MYO3B: variants seen among roughly 807,000 people sequenced by gnomAD.
MYO3B encodes the protein myosin IIIB.
Under a neutral mutation model 174.6 loss-of-function variants are expected in MYO3B, and 156 were observed. That is an observed-to-expected ratio of 0.89 (90% CI 0.78 to 1.02). The LOEUF is 1.02. Among genes scored for constraint, MYO3B ranks in the 50% least tolerant of loss-of-function variants. MYO3B has a pLI of 0.00. For missense variants in MYO3B, 1,632 were observed against 1,639.4 expected, an observed-to-expected ratio of 1.00 and a Z score of 0.08; for synonymous variants, 563 against 569.1, an observed-to-expected ratio of 0.99 and a Z score of 0.15.
At chr2:170,312,318 A>G (rs2105472417) in intron 7 of MYO3B, among the ~76,000 whole-genome samples, 1 of 152,334 alleles carries the variant, frequency 6.6e-6, no homozygotes, top group Non-Finnish European at 1.5e-5. Flanking sequence ...TCCTTCTCTG[A>G]CTCATCCAGA....
At chr2:170,321,115 A>G (rs1163630009) in intron 7 of MYO3B, among the ~76,000 whole-genome samples, 1 of 152,172 alleles carries the variant, frequency 6.6e-6, no homozygotes. Context: ...AAATCGAGAA[A>G]CAAACAAGAA....
At chr2:170,279,426 T>C (rs2093489329) in intron 7 of MYO3B, among the ~76,000 whole-genome samples, 1 of 151,870 alleles carries the variant, frequency 6.6e-6, no homozygotes, top group African/African-American at 2.4e-5. Context: ...TGGTATGTCT[T>C]TTTTTGAGAA....
At chr2:170,439,941 A>G (rs1219465102) in intron 22 of MYO3B, among the ~76,000 whole-genome samples, 2 of 152,136 alleles carry the variant, frequency 1.3e-5, no homozygotes, top group Non-Finnish European at 2.9e-5. Flanking sequence ...CAGCTTCCCA[A>G]AGTGCTGGGA....
intron 9 of MYO3B, among the ~76,000 whole-genome samples, chr2:170,373,070 A>G (rs1272714642): frequency 6.6e-6 from 1 of 152,160 alleles, no homozygotes; most frequent in Non-Finnish European, 1.5e-5. Flanking sequence ...TTCTGATTGC[A>G]GTATGGAGAA....
intron 23 of MYO3B, among the ~76,000 whole-genome samples, chr2:170,456,176 C>T (rs891075666): frequency 4.6e-5 from 7 of 151,636 alleles, no homozygotes; most frequent in Admixed American, 1.3e-4. Context: ...GGGGGTGGGG[C>T]GGTAAATGAT....
intron 7 of MYO3B, among the ~76,000 whole-genome samples, chr2:170,290,856 G>T (rs1464393685): frequency 1.4e-5 from 2 of 144,080 alleles, no homozygotes; most frequent in African/African-American, 2.6e-5. Flanking sequence ...TCATGCTGTG[G>T]TTACCATGAG....
intron 16 of MYO3B, among the ~76,000 whole-genome samples, chr2:170,399,327 A>T (rs2094460947): frequency 7.9e-6 from 1 of 127,026 alleles, no homozygotes; most frequent in African/African-American, 2.9e-5. Context: ...TACCAAAAAG[A>T]GCTGAGTGTG....
At chr2:170,204,146 G>A (rs2092692138) in intron 3 of MYO3B, among the ~76,000 whole-genome samples, 1 of 152,082 alleles carries the variant, frequency 6.6e-6, no homozygotes, top group Non-Finnish European at 1.5e-5. Context: ...GACTTTTGCT[G>A]GCTTTCATTA....
rs754131901 is a variant in MYO3B, at chr2:170,206,288, C to G, written c.321+6004C>G. On this transcript the variant is annotated intron_variant, in intron 3 of 34. Transcript: ENST00000408978. The surrounding 1 kb of genome is among the most constrained non-coding windows in gnomAD (Gnocchi z 4.3). ...ACATCCTCTGGGAAGTTTTCCTAGACTGTCCCCTCTTTGCCCTCCCTCAGC... is the reference window on the plus strand; with the variant it reads ...ACATCCTCTGGGAAGTTTTCCTAGAGTGTCCCCTCTTTGCCCTCCCTCAGC... 6.6e-6 allele frequency among the ~76,000 whole-genome samples: 1 copy of G among 152,186 alleles called. No homozygotes were observed. Among genetic ancestry groups the G allele is most frequent in the Non-Finnish European group, 1.5e-5 (1 of 68,036 alleles).
At chr2:170,542,793 T>C (rs1690202129) in intron 30 of MYO3B, 113 bp from the exon 31 acceptor site, 2 of 798,512 alleles carry the variant, frequency 2.5e-6, no homozygotes, top group Non-Finnish European at 3.9e-6. Context: ...TGGGAAACCA[T>C]GGAAGCATAA....
rs1687039379 is a variant in MYO3B, at chr2:170,498,717, T to C, written c.3126+14T>C. 2 of 1,508,202 alleles carry C rather than the reference T, an allele frequency of 1.3e-6. No homozygotes were observed. The highest frequency in any genetic ancestry group is 1.1e-5 in the South Asian group (1 of 88,714). 93.4% of individuals were successfully genotyped at this position (1,508,202 alleles called of 1,614,324 possible). On this transcript the variant is annotated intron_variant, in intron 26 of 34. Coordinates refer to ENST00000408978, the MANE Select transcript of MYO3B (RefSeq NM_138995.5). ...GGAAAAACAAAGGTAGTTCGTTCTTTATTGTTCAAATTGTCCCGTATGATT... is the reference window on the plus strand; with the variant it reads ...GGAAAAACAAAGGTAGTTCGTTCTTCATTGTTCAAATTGTCCCGTATGATT...
intron 7 of MYO3B, among the ~76,000 whole-genome samples, chr2:170,288,941 G>A (rs963748880): frequency 3.3e-5 from 5 of 152,014 alleles, no homozygotes; most frequent in Non-Finnish European, 7.4e-5. Flanking sequence ...TTTATCAAAT[G>A]TTTTTCAGCA....
chr2:170,251,428 A>C (rs2093252515), intron 7 of MYO3B, among the ~76,000 whole-genome samples: 1 of 152,154 alleles, frequency 6.6e-6, no homozygotes, highest in Non-Finnish European at 1.5e-5. Context: ...TTTCTCAGAA[A>C]AGATACATTG....
intron 8 of MYO3B, among the ~76,000 whole-genome samples, chr2:170,354,270 CTTTTT>C (rs954811536): frequency 6.6e-6 from 1 of 151,964 alleles, no homozygotes; most frequent in Non-Finnish European, 1.5e-5. Context: ...GTTCTGGTTC[CTTTTT>C]TTTGTTCTGT....
chr2:170,501,414 C>A (rs542582173), intron 27 of MYO3B, among the ~76,000 whole-genome samples: 1 of 152,190 alleles, frequency 6.6e-6, no homozygotes, highest in African/African-American at 2.4e-5. Flanking sequence ...TTCTACCATC[C>A]CTGCCAAACC....
At chr2:170,402,424 C>T (rs572594796) in intron 18 of MYO3B, among the ~76,000 whole-genome samples, 33 of 152,262 alleles carry the variant, frequency 2.2e-4, no homozygotes, top group South Asian at 8.3e-4. Flanking sequence ...AACTACTTTT[C>T]CTTGCTCTTT....
chr2:170,316,101 C>T (rs1477232700), intron 7 of MYO3B, among the ~76,000 whole-genome samples: 1 of 152,142 alleles, frequency 6.6e-6, no homozygotes, highest in African/African-American at 2.4e-5. Flanking sequence ...AAATAATTGG[C>T]CTAGTATTCC....
chr2:170,333,641 A>G (rs767268028), intron 7 of MYO3B, among the ~76,000 whole-genome samples: 4 of 152,038 alleles, frequency 2.6e-5, no homozygotes, highest in Non-Finnish European at 5.9e-5. Flanking sequence ...GCTTTTTTAC[A>G]TCCTTGTGTC....
chr2:170,605,656 A>G (rs1694764314), intron 32 of MYO3B, among the ~76,000 whole-genome samples: 1 of 152,172 alleles, frequency 6.6e-6, no homozygotes, highest in African/African-American at 2.4e-5. Context: ...CAGGAGTTCA[A>G]AACCAGCCTG....
Sources: gnomAD v4.1 joint callset for allele counts (sites outside exome capture counted in the v4.1 genomes callset) on GRCh38, gnomAD v4.1.1 for gene constraint, Gnocchi (gnomAD v3.1) non-coding constraint, MANE v1.5 for transcripts, NCBI Gene and HGNC (gene_info 2026-07-23, HGNC 2026-07-21) for gene names.